The following LYPLAL1 variants were observed in gnomAD, a reference collection of about 807,000 sequenced individuals.
LYPLAL1 encodes the protein lysophospholipase-like protein 1.
Under a neutral mutation model 19.7 loss-of-function variants are expected in LYPLAL1, and 23 were observed. The ratio of observed to expected loss-of-function variants is 1.17; its 90% confidence interval spans 0.84 to 1.65. The LOEUF is 1.65. Among genes scored for constraint, LYPLAL1 ranks in the 40% most tolerant of loss-of-function variants. The probability of loss-of-function intolerance (pLI) is 0.00; values close to 1 mark genes in which losing one functional copy is unlikely to be tolerated. For synonymous variants in LYPLAL1, 119 were observed against 96.3 expected (o/e 1.24, Z -1.38); for missense variants, 355 against 279.4 (o/e 1.27, Z -1.93).
chr1:219,438,644 G>T, the LYPLAL1 span, among the ~76,000 whole-genome samples: 363 of 152,254 alleles, frequency 2.4e-3, 1 homozygote, highest in African/African-American at 8.3e-3. Context: ...TTTTGACTTT[G>T]CATTTAAATG....
At chr1:219,228,174 CG>C in the LYPLAL1 span, among the ~76,000 whole-genome samples, 1 of 152,122 alleles carries the variant, frequency 6.6e-6, no homozygotes, top group Non-Finnish European at 1.5e-5. Flanking sequence ...TAAAGGGTCC[CG>C]TAAGACCAAC....
At chr1:219,323,634 A>G in the LYPLAL1 span, among the ~76,000 whole-genome samples, 1 of 152,202 alleles carries the variant, frequency 6.6e-6, no homozygotes, top group East Asian at 1.9e-4. Flanking sequence ...ACCCATGGAC[A>G]GGGAGAACTG....
At chr1:219,311,597 A>G in the LYPLAL1 span, among the ~76,000 whole-genome samples, 5 of 151,306 alleles carry the variant, frequency 3.3e-5, no homozygotes, top group Admixed American at 2.6e-4. Flanking sequence ...TCTTTTCACA[A>G]CCTAGCATGG....
At chr1:219,303,560 T>A in the LYPLAL1 span, among the ~76,000 whole-genome samples, 1 of 152,220 alleles carries the variant, frequency 6.6e-6, no homozygotes, top group South Asian at 2.1e-4. Context: ...TATGTGCAGA[T>A]CATAGAACAT....
chr1:219,273,649 C>G, the LYPLAL1 span, among the ~76,000 whole-genome samples: 50,194 of 152,062 alleles, frequency 0.33, 8,715 homozygotes, highest in Non-Finnish European at 0.38. Flanking sequence ...TTCCAACGTA[C>G]TGTTCCTTTC....
chr1:219,365,417 G>C, the LYPLAL1 span, among the ~76,000 whole-genome samples: 1 of 152,228 alleles, frequency 6.6e-6, no homozygotes, highest in East Asian at 1.9e-4. Context: ...TACACTTTCT[G>C]TTTTTCTGGT....
chr1:219,359,801 T>G, the LYPLAL1 span, among the ~76,000 whole-genome samples: 1 of 152,214 alleles, frequency 6.6e-6, no homozygotes, highest in East Asian at 1.9e-4. Flanking sequence ...ATCATTTCTA[T>G]GGCATGGTAG....
At chr1:219,272,983 G>T in the LYPLAL1 span, 7 of 152,186 alleles carry the variant, frequency 4.6e-5, no homozygotes, top group Non-Finnish European at 1.0e-4. Context: ...ACTCTGAGAG[G>T]CCCTATAAAT....
At chr1:219,214,412 C>A (rs973393633), downstream of LYPLAL1, among the ~76,000 whole-genome samples, 1 of 152,004 alleles carries the variant, frequency 6.6e-6, no homozygotes, top group African/African-American at 2.4e-5. Flanking sequence ...ATTTTCTCCT[C>A]TTCTGTTTTC....
At chr1:219,306,469 T>A in the LYPLAL1 span, among the ~76,000 whole-genome samples, 1 of 152,176 alleles carries the variant, frequency 6.6e-6, no homozygotes, top group Non-Finnish European at 1.5e-5. Context: ...ATCCAATTAG[T>A]TGAAGACCTT....
At chr1:219,195,170 C>G (rs1657505783) in intron 3 of LYPLAL1, among the ~76,000 whole-genome samples, 1 of 152,022 alleles carries the variant, frequency 6.6e-6, no homozygotes, top group Admixed American at 6.6e-5. Flanking sequence ...TGGTTTCTTC[C>G]AGACTCTCAG....
the LYPLAL1 span, among the ~76,000 whole-genome samples, chr1:219,367,665 CA>C: frequency 6.6e-6 from 1 of 152,110 alleles, no homozygotes; most frequent in Non-Finnish European, 1.5e-5. Context: ...AGCCCGTGAA[CA>C]AGCTGGCATT....
the LYPLAL1 span, among the ~76,000 whole-genome samples, chr1:219,390,028 T>C: frequency 4.6e-5 from 7 of 151,576 alleles, no homozygotes; most frequent in African/African-American, 1.7e-4. Context: ...AGTAAATTAG[T>C]ATTGGATTGG....
the LYPLAL1 span, among the ~76,000 whole-genome samples, chr1:219,417,696 G>A: frequency 6.6e-6 from 1 of 152,248 alleles, no homozygotes; most frequent in Non-Finnish European, 1.5e-5. Flanking sequence ...AGGAATGTGT[G>A]TCCTTTGTCC....
At chr1:219,334,176 A>G in the LYPLAL1 span, among the ~76,000 whole-genome samples, 1 of 151,996 alleles carries the variant, frequency 6.6e-6, no homozygotes, top group Admixed American at 6.6e-5. Flanking sequence ...AGAACCTTGA[A>G]AAAGGAGAGA....
At chr1:219,224,088 A>G in the LYPLAL1 span, among the ~76,000 whole-genome samples, 2 of 152,148 alleles carry the variant, frequency 1.3e-5, no homozygotes, top group African/African-American at 2.4e-5. Flanking sequence ...TCTTTTGCCA[A>G]TGAAATTACT....
chr1:219,440,094 ACT>A, the LYPLAL1 span, among the ~76,000 whole-genome samples: 2 of 147,832 alleles, frequency 1.4e-5, no homozygotes, highest in Non-Finnish European at 3.0e-5. Context: ...ACACACACAC[ACT>A]CTCACTCTCT....
At chr1:219,216,278 C>T (rs1652107026), downstream of LYPLAL1, among the ~76,000 whole-genome samples, 2 of 151,270 alleles carry the variant, frequency 1.3e-5, no homozygotes, top group Admixed American at 1.3e-4. Flanking sequence ...TTTGTTGGTC[C>T]CTTTATAATA....
chr1:219,199,965 TC>T, intron 3 of LYPLAL1: 1 of 234,298 alleles, frequency 4.3e-6, no homozygotes. Context: ...CACACATCCA[TC>T]CCCAGGATAT....
Sources: gnomAD v4.1 joint callset for allele counts (sites outside exome capture counted in the v4.1 genomes callset) on GRCh38, gnomAD v4.1.1 for gene constraint, MANE v1.5 for transcripts, NCBI Gene and HGNC (gene_info 2026-07-23, HGNC 2026-07-21) for gene names.